UBR4: variants seen among roughly 807,000 people sequenced by gnomAD.
The protein encoded by UBR4 is ubiquitin protein ligase E3 component n-recognin 4.
In UBR4, 124 loss-of-function variants were observed where a neutral mutation model predicts 575.6. The observed-to-expected ratio is 0.22, with a 90% confidence interval of 0.19 to 0.25. The LOEUF (loss-of-function observed/expected upper bound fraction) is 0.25, where lower values mean the gene tolerates loss of function less well. Ranked by LOEUF, UBR4 falls within the 10% of genes least tolerant of loss-of-function variation. The pLI, the probability that UBR4 is intolerant of heterozygous loss-of-function variation, is 1.00. For synonymous variants in UBR4, 2,455 were observed against 2,473.7 expected (o/e 0.99, Z 0.22); for missense variants, 4,818 against 6,478.8 (o/e 0.74, Z 8.80).
At chr1:19,087,352 T>A (rs1244186831) in intron 99 of UBR4, among the ~76,000 whole-genome samples, 2 of 152,216 alleles carry the variant, frequency 1.3e-5, no homozygotes, top group Non-Finnish European at 2.9e-5. Context: ...TCAGGTGGAA[T>A]CTAGTTTGGA....
chr1:19,078,138 C>G (rs1299321305), intron 103 of UBR4, 72 bp from the exon 104 acceptor site: 7 of 1,497,140 alleles, frequency 4.7e-6, no homozygotes, highest in Admixed American at 1.9e-5. Context: ...GCAAGGCATG[C>G]TGGGAGCAAG....
intron 27 of UBR4, among the ~76,000 whole-genome samples, chr1:19,168,964 C>T (rs1407998554): frequency 5.4e-5 from 7 of 129,794 alleles, no homozygotes; most frequent in Admixed American, 5.2e-4. Flanking sequence ...GGTGACAGAG[C>T]GAGACTCCGT....
intron 102 of UBR4, chr1:19,082,204 AATG>A (rs971642913): frequency 1.0e-3 from 191 of 187,686 alleles, no homozygotes; most frequent in Middle Eastern, 2.2e-3. Context: ...CCTAAGTTGC[AATG>A]ATGATGATGA....
chr1:19,115,651 A>C lies in UBR4; in HGVS notation c.10824-14T>G, dbSNP rs1027726748. The stretch of plus-strand genomic sequence containing the variant: ...CAGCGAGCTGGCCTAGGAAAGACAG[A>C]CAGCCTTGAGATTTTCTCATCTAAC... On this transcript the variant is annotated splice_polypyrimidine_tract_variant and intron_variant, in intron 73 of 105. Coordinates refer to ENST00000375254, the MANE Select transcript of UBR4 (RefSeq NM_020765.3). 3 of 1,613,536 alleles carry C rather than the reference A, an allele frequency of 1.9e-6. No individual in the cohort carries two copies. Among genetic ancestry groups the C allele is most frequent in the Admixed American group, 1.7e-5 (1 of 59,982 alleles).
rs779143412 is a variant in UBR4 at position 19,110,249 on chromosome 1, T to C, written c.11978-26A>G. On this transcript the variant is annotated intron_variant, in intron 80 of 105. Coordinates refer to ENST00000375254, the MANE Select transcript of UBR4 (RefSeq NM_020765.3). The surrounding 1 kb of genome is among the most constrained non-coding windows in gnomAD (Gnocchi z 4.5). ...CTAGGGATGGTCAGGAAAGGCAGAG[T>C]CACAATCAGGAACACTACACATCTG... 1 of 1,613,872 alleles carries C rather than the reference T, an allele frequency of 6.2e-7. No homozygotes were observed. The highest frequency in any genetic ancestry group is 1.1e-5 in the South Asian group (1 of 91,046).
chr1:19,156,366 G>A lies in UBR4; in HGVS notation c.5977C>T (p.His1993Tyr), dbSNP rs2086453412. The A allele has an allele frequency of 6.2e-7, 1 of 1,614,190 alleles. No individual in the cohort carries two copies. Among genetic ancestry groups the A allele is most frequent in the South Asian group, 1.1e-5 (1 of 91,088 alleles). ...AAGTTCCCCGTTGCCAACTGAGGGT[G>A]CAAAACCAAGTGATCCGAAACAGAG... is the stretch of plus-strand genomic sequence containing the variant. ...SGSVSDHLVL[H>Y]PQLATGNFII... Residue 1993 changes from histidine (H) to tyrosine (Y), a missense_variant, in exon 42 of 106, where the codon CAC becomes TAC. This residue lies in a region of UBR4 where 461 missense variants were observed against 606.9 expected (regional missense o/e 0.76). Transcript: ENST00000375254.
At chr1:19,083,866 C>T (rs1256474021) in intron 102 of UBR4, among the ~76,000 whole-genome samples, 1 of 152,218 alleles carries the variant, frequency 6.6e-6, no homozygotes, top group African/African-American at 2.4e-5. Context: ...CTAACTGTCC[C>T]ATAATGTGCA....
chr1:19,193,369 G>A (rs1175302486), intron 9 of UBR4, 64 bp downstream of exon 9: 1 of 1,576,492 alleles, frequency 6.3e-7, no homozygotes, highest in Admixed American at 1.8e-5. Flanking sequence ...GGAAGAAAGT[G>A]GAACTGGCCA....
chr1:19,198,989 C>A lies in UBR4; in HGVS notation c.379-61G>T. On this transcript the variant is annotated intron_variant, in intron 3 of 105. Transcript: ENST00000375254. ...AAACAAATAGATCTTTCAGAAAATT[C>A]TACTCTTTTGGAAATTCTAACTGGC... is the stretch of plus-strand genomic sequence containing the variant. 1.9e-6 allele frequency: 3 copies of A among 1,569,746 alleles called. No individual in the cohort carries two copies. In the South Asian group the frequency reaches 3.5e-5, roughly 18 times the overall value.
chr1:19,188,226 AC>A (rs2091744798), intron 11 of UBR4, among the ~76,000 whole-genome samples: 1 of 152,198 alleles, frequency 6.6e-6, no homozygotes, highest in Admixed American at 6.5e-5. Flanking sequence ...TGAATTACCA[AC>A]TTCTATAAAA....
chr1:19,160,721 C>T (rs1557844913), intron 38 of UBR4, among the ~76,000 whole-genome samples, 196 bp downstream of exon 38: 1 of 152,220 alleles, frequency 6.6e-6, no homozygotes, highest in African/African-American at 2.4e-5. Flanking sequence ...TCCATCACCC[C>T]CCATAATACT....
intron 87 of UBR4, among the ~76,000 whole-genome samples, chr1:19,102,896 T>C (rs2078789506): frequency 6.6e-6 from 1 of 152,180 alleles, no homozygotes; most frequent in African/African-American, 2.4e-5. Context: ...TACCATCAAG[T>C]GGCAGGGAAA....
intron 34 of UBR4, among the ~76,000 whole-genome samples, chr1:19,163,160 C>T (rs1326671571): frequency 6.6e-6 from 1 of 152,154 alleles, no homozygotes; most frequent in Non-Finnish European, 1.5e-5. Context: ...CTTTGCTCTG[C>T]ACTCTGACAT....
chr1:19,081,163 T>C, intron 103 of UBR4, 186 bp downstream of exon 103: 2 of 569,732 alleles, frequency 3.5e-6, no homozygotes, highest in Non-Finnish European at 6.1e-6. Context: ...AACCCAGAAA[T>C]GACCAGGCAA....
intron 17 of UBR4, among the ~76,000 whole-genome samples, chr1:19,181,932 C>T (rs1239492919): frequency 6.6e-6 from 1 of 152,164 alleles, no homozygotes; most frequent in Non-Finnish European, 1.5e-5. Context: ...CAAACTGAAA[C>T]ACTGTACCCA....
chr1:19,162,331 A>T lies in UBR4; in HGVS notation c.4956+89T>A, dbSNP rs531772992. 2.2e-4 allele frequency: 331 copies of T among 1,475,518 alleles called. 1 individual carries two copies. The highest frequency in any genetic ancestry group is 1.0e-3 in the Middle Eastern group (4 of 3,924). 91.4% of individuals were successfully genotyped at this position (1,475,518 alleles called of 1,614,324 possible). ...AGGACTAGGAAGTTTTGAAGCTCAC[A>T]GGAGGCTGGAAAACAGAGCCAAAAG... On this transcript the variant is annotated intron_variant, in intron 35 of 105. Coordinates refer to ENST00000375254, the MANE Select transcript of UBR4 (RefSeq NM_020765.3).
At position 19,160,094 on chromosome 1, in the gene UBR4, G is replaced by A; in HGVS notation, c.5577+17C>T. The A allele has an allele frequency of 6.3e-7, 1 of 1,595,212 alleles. No individual in the cohort carries two copies. The highest frequency in any genetic ancestry group is 8.5e-7 in the Non-Finnish European group (1 of 1,170,300). ...GGTTCCCACAGCCACCAAACATCAT[G>A]GCCCCAAGACACTCACCATCAGCTG... is the stretch of plus-strand genomic sequence containing the variant. On this transcript the variant is annotated intron_variant, in intron 39 of 105. Transcript: ENST00000375254.
rs776548700 is a variant in UBR4 at position 19,101,513 on chromosome 1, T to C, written c.13023+7A>G. 3 of 1,608,152 alleles carry C rather than the reference T, an allele frequency of 1.9e-6. No individual in the cohort carries two copies. The highest frequency in any genetic ancestry group is 2.2e-5 in the East Asian group (1 of 44,724). The stretch of plus-strand genomic sequence containing the variant: ...TCGAGAGCCATGGGAAGCACCGCAC[T>C]GCTTACAGGATAAATGATGCTGCAG... On this transcript the variant is annotated splice_region_variant and intron_variant, in intron 88 of 105. Transcript: ENST00000375254.
rs2086016134 is a variant in UBR4 at position 19,153,507 on chromosome 1, G to C, written c.6631-5C>G. ...AATAGCAACCATGTCTTGGATCTAG[G>C]AGGAGAGGACAAAGGAGGGTCTTCG... is the stretch of plus-strand genomic sequence containing the variant. On this transcript the variant is annotated splice_region_variant and splice_polypyrimidine_tract_variant and intron_variant, in intron 45 of 105. Transcript: ENST00000375254. This position sits in a 1 kb window ranked among gnomAD's most constrained non-coding sequence, Gnocchi z 4.1. 6.2e-7 allele frequency: 1 copy of C among 1,613,640 alleles called. No homozygotes were observed. The highest frequency in any genetic ancestry group is 1.7e-5 in the Admixed American group (1 of 60,002).
Sources: allele counts gnomAD v4.1 joint callset (sites outside exome capture counted in the v4.1 genomes callset), GRCh38; gene constraint gnomAD v4.1.1; regional missense constraint gnomAD v4.1.1; non-coding constraint Gnocchi (gnomAD v3.1); transcripts MANE v1.5; gene names NCBI Gene and HGNC (gene_info 2026-07-23, HGNC 2026-07-21).